Variants in CHRNA4 observed in about 807,000 individuals in gnomAD.
CHRNA4 encodes neuronal acetylcholine receptor subunit alpha-4.
CHRNA4 carries 28 observed loss-of-function variants against 48.9 expected under a neutral mutation model. The ratio of observed to expected loss-of-function variants is 0.57; its 90% confidence interval spans 0.42 to 0.79. CHRNA4 has a LOEUF of 0.79. CHRNA4 is among the 30% of genes least tolerant of loss of function. The pLI is 0.00. For synonymous variants in CHRNA4, 425 were observed against 402.3 expected, an observed-to-expected ratio of 1.06 and a Z score of -0.68; for missense variants, 859 against 898.4, an observed-to-expected ratio of 0.96 and a Z score of 0.56.
chr20:63,349,542 G>T, intron 5 of CHRNA4, 111 bp downstream of exon 5: 1 of 1,413,128 alleles, frequency 7.1e-7, no homozygotes, highest in Non-Finnish European at 9.9e-7. Context: ...ACCCCAAAGC[G>T]AAGCAGCCTG....
Position 63,346,871 on chromosome 20 carries a change from C to A in CHRNA4, c.1759-8G>T, listed in dbSNP as rs1293100202. On this transcript the variant is annotated splice_polypyrimidine_tract_variant and splice_region_variant and intron_variant, in intron 5 of 5. Transcript: ENST00000370263. ...CTTCCAGTCCTCCTTCACCTGCAAG[C>A]ACAGACGCCGTCACTCCAGCACGGC... The A allele has an allele frequency of 6.2e-7, 1 of 1,612,176 alleles. No homozygotes were observed. Among genetic ancestry groups the A allele is most frequent in the Non-Finnish European group, 8.5e-7 (1 of 1,179,594 alleles).
chr20:63,346,495 C>T lies in CHRNA4; in HGVS notation c.*243G>A. On this transcript the variant is annotated 3_prime_UTR_variant, in exon 6 of 6. Coordinates refer to ENST00000370263, the MANE Select transcript of CHRNA4 (RefSeq NM_000744.7). ...GCAGGTAGAAGGCGCCGACCCCCAC[C>T]TCTGCTCCAAGCCACTGCCTCCTGA... The T allele has an allele frequency of 1.5e-6, 1 of 680,766 alleles. No homozygotes were observed. Among genetic ancestry groups the T allele is most frequent in the South Asian group, 1.5e-5 (1 of 66,590 alleles). The allele number at this position is 680,766 out of a possible 1,614,324, so 42.2% of individuals were successfully genotyped here. A position where few individuals can be genotyped will look rare whatever the true frequency, so the allele number is the denominator to read the frequency against.
At position 63,350,739 on chromosome 20, in the gene CHRNA4, C is replaced by T. The variant is rs538111736; in HGVS notation, c.672G>A (p.Glu224=). The change falls in exon 5 of 6, where the codon GAG becomes GAA. Residue 224 remains glutamate (E), a synonymous_variant. Coordinates refer to ENST00000370263, the MANE Select transcript of CHRNA4 (RefSeq NM_000744.7). ...TGTCCGGGTAGATCTCGGCACAGCACTCGTACTTCCTGGTGTTGTAGGTGC... is the reference window on the plus strand; with the variant it reads ...TGTCCGGGTAGATCTCGGCACAGCATTCGTACTTCCTGGTGTTGTAGGTGC... ...AVGTYNTRKY[E]CCAEIYPDIT... 1.3e-6 allele frequency: 2 copies of T among 1,542,226 alleles called. No individual in the cohort carries two copies. Among genetic ancestry groups the T allele is most frequent in the East Asian group, 2.5e-5 (1 of 39,240 alleles).
chr20:63,349,392 C>T, intron 5 of CHRNA4: 1 of 584,338 alleles, frequency 1.7e-6, no homozygotes, highest in Non-Finnish European at 3.1e-6. Flanking sequence ...CCGCCGAGGC[C>T]CACTGTGTCC....
chr20:63,349,492 G>A (rs1369742652), intron 5 of CHRNA4, 161 bp downstream of exon 5: 1 of 962,152 alleles, frequency 1.0e-6, no homozygotes, highest in Non-Finnish European at 1.6e-6. Context: ...CCACATAGCA[G>A]GCTTGGGAAG....
chr20:63,344,612 C>A lies in CHRNA4; in HGVS notation c.*2126G>T, dbSNP rs1174957088. The A allele has an allele frequency of 2.2e-6, 1 of 453,644 alleles. No individual in the cohort carries two copies. Among genetic ancestry groups the A allele is most frequent in the Non-Finnish European group, 4.4e-6 (1 of 226,522 alleles). The allele number at this position is 453,644 out of a possible 1,614,324, so 28.1% of individuals were successfully genotyped here. A position where few individuals can be genotyped will look rare whatever the true frequency, so the allele number is the denominator to read the frequency against. On this transcript the variant is annotated 3_prime_UTR_variant, in exon 6 of 6. Transcript: ENST00000370263. The surrounding 1 kb of genome is among the most constrained non-coding windows in gnomAD (Gnocchi z 4.5). ...CAGTCACTCCTGACCCAGAAAAGAA[C>A]AACCACAGCTGGGCCCAGCACCCCG...
chr20:63,343,873 C>T lies in CHRNA4; in HGVS notation c.*2865G>A, dbSNP rs1367278874. 2.2e-6 allele frequency: 1 copy of T among 454,176 alleles called. No individual in the cohort carries two copies. Among genetic ancestry groups the T allele is most frequent in the South Asian group, 1.6e-5 (1 of 64,482 alleles). 28.1% of individuals were successfully genotyped at this position (454,176 alleles called of 1,614,324 possible). On this transcript the variant is annotated 3_prime_UTR_variant, in exon 6 of 6. Coordinates refer to ENST00000370263, the MANE Select transcript of CHRNA4 (RefSeq NM_000744.7). ...TGATAGGGGGTCGGGGGTCACAGCCCTGGCAAGGTGGGTTCTAGGCAAGCT... is the reference window on the plus strand; with the variant it reads ...TGATAGGGGGTCGGGGGTCACAGCCTTGGCAAGGTGGGTTCTAGGCAAGCT...
intron 5 of CHRNA4, among the ~76,000 whole-genome samples, chr20:63,349,372 A>C (rs1315194488): frequency 6.6e-6 from 1 of 152,070 alleles, no homozygotes; most frequent in African/African-American, 2.4e-5. Context: ...GTGGCCCCTC[A>C]CCGTGCCGTC....
Position 63,343,362 on chromosome 20 carries a change from G to C in CHRNA4, c.*3376C>G, listed in dbSNP as rs1031402340. 11 of 453,982 alleles carry C rather than the reference G, an allele frequency of 2.4e-5. No individual in the cohort carries two copies. The highest frequency in any genetic ancestry group is 4.4e-5 in the Non-Finnish European group (10 of 226,780). 28.1% of individuals were successfully genotyped at this position (453,982 alleles called of 1,614,324 possible). A position where few individuals can be genotyped will look rare whatever the true frequency, so the allele number is the denominator to read the frequency against. On this transcript the variant is annotated 3_prime_UTR_variant, in exon 6 of 6. Coordinates refer to ENST00000370263, the MANE Select transcript of CHRNA4 (RefSeq NM_000744.7). Reference sequence around the variant, plus strand: ...CACGGTCGGCGGGGCTTGGTCCATGGGGCTGGCCGGGCTTGCATCCCCAGG... The same window carrying C: ...CACGGTCGGCGGGGCTTGGTCCATGCGGCTGGCCGGGCTTGCATCCCCAGG...
chr20:63,350,835 C>T lies in CHRNA4; in HGVS notation c.576G>A (p.Val192=). The change falls in exon 5 of 6, where the codon GTG becomes GTA. Residue 192 remains valine (V), a synonymous_variant. Coordinates refer to ENST00000370263, the MANE Select transcript of CHRNA4 (RefSeq NM_000744.7). ...WTYDKAKIDL[V]NMHSRVDQLD... is the part of the protein sequence containing the mutation. ...GCTGGTCCACGCGGCTGTGCATGTTCACCAGGTCGATCTTGGCCTTGTCGT... is the reference window on the plus strand; with the variant it reads ...GCTGGTCCACGCGGCTGTGCATGTTTACCAGGTCGATCTTGGCCTTGTCGT... 3.7e-6 allele frequency: 6 copies of T among 1,614,010 alleles called. No homozygotes were observed. Among genetic ancestry groups the T allele is most frequent in the Non-Finnish European group, 5.1e-6 (6 of 1,180,032 alleles).
At position 63,345,846 on chromosome 20, in the gene CHRNA4, T is replaced by C. The variant is rs1242247903; in HGVS notation, c.*892A>G. On this transcript the variant is annotated 3_prime_UTR_variant, in exon 6 of 6. Transcript: ENST00000370263. The surrounding 1 kb of genome is among the most constrained non-coding windows in gnomAD (Gnocchi z 5.4). ...GGGGAACCAGGGCCCAGGTCTGGAC[T>C]CCATTCGGGACCTTCCCAGCTCCGG... The C allele has an allele frequency of 2.2e-6, 1 of 451,790 alleles. No homozygotes were observed. Among genetic ancestry groups the C allele is most frequent in the Non-Finnish European group, 4.4e-6 (1 of 225,208 alleles). 28.0% of individuals were successfully genotyped at this position (451,790 alleles called of 1,614,324 possible). A position where few individuals can be genotyped will look rare whatever the true frequency, so the allele number is the denominator to read the frequency against.
chr20:63,357,956 G>C (rs746290987), intron 2 of CHRNA4, among the ~76,000 whole-genome samples: 1 of 152,218 alleles, frequency 6.6e-6, no homozygotes, highest in Admixed American at 6.5e-5. Flanking sequence ...CATGGATTGA[G>C]CCCTGAGAAG....
chr20:63,359,551 G>A lies in CHRNA4; in HGVS notation c.225C>T (p.Asp75=), dbSNP rs113080067. Residue 75 remains aspartate (D), a synonymous_variant, in exon 2 of 6, where the codon GAC becomes GAT. Coordinates refer to ENST00000370263, the MANE Select transcript of CHRNA4 (RefSeq NM_000744.7). ...CGATGGCCACGCCCTCACCTACCAC[G>A]TCAATGAGCTGAGCGATGGACAGGC... ...RFGLSIAQLI[D]VDEKNQMMTT... 1.8e-4 allele frequency: 291 copies of A among 1,612,656 alleles called. No individual in the cohort carries two copies. Among genetic ancestry groups the A allele is most frequent in the African/African-American group, 1.2e-3 (87 of 75,050 alleles).
Position 63,345,249 on chromosome 20 carries a change from C to A in CHRNA4, c.*1489G>T, listed in dbSNP as rs201167004. 4.4e-6 allele frequency: 2 copies of A among 450,438 alleles called. No homozygotes were observed. The highest frequency in any genetic ancestry group is 1.6e-5 in the South Asian group (1 of 64,216). The allele number at this position is 450,438 out of a possible 1,614,324, so 27.9% of individuals were successfully genotyped here. On this transcript the variant is annotated 3_prime_UTR_variant, in exon 6 of 6. Transcript: ENST00000370263. The surrounding 1 kb of genome is among the most constrained non-coding windows in gnomAD (Gnocchi z 5.4). Reference sequence around the variant, plus strand: ...ACTCAGTGGGACGCAGAGCCCAACCCCATCCCCACCCCTGGCTGGATGGGG... The same window carrying A: ...ACTCAGTGGGACGCAGAGCCCAACCACATCCCCACCCCTGGCTGGATGGGG...
At position 63,357,860 on chromosome 20, in the gene CHRNA4, G is replaced by A. The variant is rs996519240; in HGVS notation, c.229-1445C>T. On this transcript the variant is annotated intron_variant, in intron 2 of 5. Transcript: ENST00000370263. ...GGCTGCAGGGTGGAGAGAGGGGTGGGCAGCTCTGGGAGTCTTGGTTCTGGG... is the reference window on the plus strand; with the variant it reads ...GGCTGCAGGGTGGAGAGAGGGGTGGACAGCTCTGGGAGTCTTGGTTCTGGG... Among the ~76,000 whole-genome samples the A allele has an allele frequency of 2.0e-5, 3 of 152,292 alleles. No homozygotes were observed. In the East Asian group the frequency reaches 5.8e-4, roughly 29 times the overall value.
rs199950928 is a variant in CHRNA4, at chr20:63,346,093, T to C, written c.*645A>G. The C allele has an allele frequency of 5.1e-5, 23 of 453,848 alleles. No homozygotes were observed. Among genetic ancestry groups the C allele is most frequent in the African/African-American group, 4.0e-4 (20 of 49,980 alleles). The allele number at this position is 453,848 out of a possible 1,614,324, so 28.1% of individuals were successfully genotyped here. A position where few individuals can be genotyped will look rare whatever the true frequency, so the allele number is the denominator to read the frequency against. ...CCACGCGGAACCAGCTCCACAAAAC[T>C]CTGTTCTCCAAGGCTCCTTAGGCAC... On this transcript the variant is annotated 3_prime_UTR_variant, in exon 6 of 6. Coordinates refer to ENST00000370263, the MANE Select transcript of CHRNA4 (RefSeq NM_000744.7).
Position 63,343,248 on chromosome 20 carries a change from A to G in CHRNA4, c.*3490T>C. On this transcript the variant is annotated 3_prime_UTR_variant, in exon 6 of 6. Transcript: ENST00000370263. ...TGGTGACGGTGCGTTTTATTCATTG[A>G]AGTCTGTGCACACACTGGGAGCACA... is the stretch of plus-strand genomic sequence containing the variant. 2.4e-6 allele frequency: 1 copy of G among 409,394 alleles called. No homozygotes were observed. Among genetic ancestry groups the G allele is most frequent in the East Asian group, 7.3e-5 (1 of 13,742 alleles). 25.4% of individuals were successfully genotyped at this position (409,394 alleles called of 1,614,324 possible).
At chr20:63,360,678 G>A (rs1359883448) in intron 1 of CHRNA4, among the ~76,000 whole-genome samples, 1 of 152,194 alleles carries the variant, frequency 6.6e-6, no homozygotes, top group Non-Finnish European at 1.5e-5. Context: ...GGTGGGTGGC[G>A]GCCGCCAAGG....
rs1025499393 is a variant in CHRNA4, at chr20:63,356,145, G to C, written c.274-61C>G. On this transcript the variant is annotated intron_variant, in intron 3 of 5. Transcript: ENST00000370263. The stretch of plus-strand genomic sequence containing the variant: ...AGGGGTGTGGGGGAGGGCAGGGGCG[G>C]GACAGGGCCAGGGTGGGGCAGGGGC... 5 of 578,010 alleles carry C rather than the reference G, an allele frequency of 8.7e-6. No individual in the cohort carries two copies. The East Asian group carries it at 1.4e-4, about 16-fold the overall frequency. The allele number at this position is 578,010 out of a possible 1,614,324, so 35.8% of individuals were successfully genotyped here.
Sources: allele counts gnomAD v4.1 joint callset (sites outside exome capture counted in the v4.1 genomes callset), GRCh38; gene constraint gnomAD v4.1.1; non-coding constraint Gnocchi (gnomAD v3.1); transcripts MANE v1.5; gene names NCBI Gene and HGNC (gene_info 2026-07-23, HGNC 2026-07-21).